PDE1A: variants seen among roughly 807,000 people sequenced by gnomAD.
PDE1A encodes the protein phosphodiesterase 1A.
In PDE1A, 35 loss-of-function variants were observed where a neutral mutation model predicts 61.7. The ratio of observed to expected loss-of-function variants is 0.57; its 90% CI spans 0.43 to 0.75. The LOEUF is 0.75. Among genes scored for constraint, PDE1A ranks in the 30% least tolerant of loss-of-function variants. The pLI, the probability that PDE1A is intolerant of heterozygous loss-of-function variation, is 0.00. For missense variants in PDE1A, 597 were observed against 630.6 expected (o/e 0.95, Z 0.57); for synonymous variants, 232 against 213.2 (o/e 1.09, Z -0.77).
Position 182,235,433 on chromosome 2 carries a change from C to T in PDE1A, c.351-935G>A, listed in dbSNP as rs138364320. On this transcript the variant is annotated intron_variant, in intron 3 of 13. Coordinates refer to ENST00000351439, the Ensembl canonical transcript of PDE1A. ...CTGGAATTACAGGCATGAGCCACCA[C>T]GCCCAGCCAACAAAACTGTTTTTAA... 4.4e-3 allele frequency among the ~76,000 whole-genome samples: 677 copies of T among 152,308 alleles called. 2 individuals carry two copies. The highest frequency in any genetic ancestry group is 0.013 in the African/African-American group (537 of 41,578).
the PDE1A span, among the ~76,000 whole-genome samples, chr2:182,615,618 C>T: frequency 6.6e-6 from 1 of 151,950 alleles, no homozygotes; most frequent in Non-Finnish European, 1.5e-5. Context: ...TAACAGAATA[C>T]CTAAGACTGG....
intron 2 of PDE1A, among the ~76,000 whole-genome samples, chr2:182,521,390 T>C (rs1690557825): frequency 6.6e-6 from 1 of 152,046 alleles, no homozygotes; most frequent in African/African-American, 2.4e-5. Context: ...TCATTTGAGA[T>C]CTGCAAATAT....
At chr2:182,199,158 C>T (rs1686394748) in intron 10 of PDE1A, among the ~76,000 whole-genome samples, 1 of 151,850 alleles carries the variant, frequency 6.6e-6, no homozygotes, top group Admixed American at 6.6e-5. Context: ...TATTCCTCAC[C>T]CTTTTGATGA....
At chr2:182,194,881 TCACA>T (rs55809632) in intron 10 of PDE1A, among the ~76,000 whole-genome samples, 49,900 of 144,720 alleles carry the variant, frequency 0.34, 9,380 homozygotes, top group Middle Eastern at 0.48. Flanking sequence ...TCTGAAATAT[TCACA>T]CACACACACA....
At chr2:182,175,248 G>C (rs1692632540) in intron 13 of PDE1A, among the ~76,000 whole-genome samples, 1 of 152,038 alleles carries the variant, frequency 6.6e-6, no homozygotes, top group African/African-American at 2.4e-5. Context: ...ATAATCCTTT[G>C]GGTACATACC....
the PDE1A span, among the ~76,000 whole-genome samples, chr2:182,595,491 T>C: frequency 6.6e-6 from 1 of 152,232 alleles, no homozygotes; most frequent in African/African-American, 2.4e-5. Flanking sequence ...TGTTTTTATA[T>C]AGTAAACAGG....
intron 1 of PDE1A, among the ~76,000 whole-genome samples, chr2:182,323,063 T>C (rs548698232): frequency 8.5e-5 from 13 of 152,166 alleles, no homozygotes; most frequent in Non-Finnish European, 1.6e-4. Context: ...TAAAAAGTTG[T>C]CTGCTGACTT....
intron 1 of PDE1A, among the ~76,000 whole-genome samples, chr2:182,412,102 T>TG (rs1702654400): frequency 6.6e-6 from 1 of 152,016 alleles, no homozygotes; most frequent in African/African-American, 2.4e-5. Flanking sequence ...TGTTAAGTGT[T>TG]GGAGTCGAGA....
intron 2 of PDE1A, among the ~76,000 whole-genome samples, chr2:182,442,184 A>G (rs1037160534): frequency 2.0e-5 from 3 of 152,100 alleles, no homozygotes; most frequent in African/African-American, 7.2e-5. Flanking sequence ...CCAATATCAC[A>G]AAAACAAATC....
At chr2:182,651,699 G>A in the PDE1A span, among the ~76,000 whole-genome samples, 484 of 152,230 alleles carry the variant, frequency 3.2e-3, 2 homozygotes, top group Admixed American at 5.5e-3. Flanking sequence ...AACATTTGAG[G>A]CTTCTACCTA....
intron 2 of PDE1A, among the ~76,000 whole-genome samples, chr2:182,244,564 C>A (rs1011013889): frequency 2.9e-5 from 3 of 104,020 alleles, no homozygotes; most frequent in African/African-American, 1.3e-4. Flanking sequence ...AAACCTTTTT[C>A]TTTGTTTTAA....
At chr2:182,306,197 C>G (rs928728554) in intron 1 of PDE1A, among the ~76,000 whole-genome samples, 1 of 152,046 alleles carries the variant, frequency 6.6e-6, no homozygotes, top group Non-Finnish European at 1.5e-5. Flanking sequence ...TATTTTGCCA[C>G]AAATGACAGA....
chr2:182,547,689 C>T, the PDE1A span, among the ~76,000 whole-genome samples: 14 of 152,132 alleles, frequency 9.2e-5, no homozygotes, highest in South Asian at 8.3e-4. Context: ...TAGGCTGATG[C>T]CTTTGTAATG....
the PDE1A span, among the ~76,000 whole-genome samples, chr2:182,708,501 G>A: frequency 6.6e-6 from 1 of 152,154 alleles, no homozygotes; most frequent in African/African-American, 2.4e-5. Context: ...ACTTCCCTGA[G>A]ACGGGGTAAT....
At chr2:182,572,150 T>C in the PDE1A span, among the ~76,000 whole-genome samples, 10 of 152,198 alleles carry the variant, frequency 6.6e-5, no homozygotes, top group Non-Finnish European at 7.3e-5. Context: ...TTGTTTGTTA[T>C]TGAAAGAATG....
At chr2:182,694,993 G>A in the PDE1A span, among the ~76,000 whole-genome samples, 1 of 151,838 alleles carries the variant, frequency 6.6e-6, no homozygotes, top group African/African-American at 2.4e-5. Context: ...TCTAAAAAAT[G>A]GTTACCATTG....
intron 2 of PDE1A, among the ~76,000 whole-genome samples, chr2:182,508,487 C>T (rs7557419): frequency 0.77 from 115,710 of 150,716 alleles, 46,285 homozygotes; most frequent in East Asian, 0.99. Context: ...GTCGGAAAAA[C>T]TGGCATGTGG....
At chr2:182,237,821 G>C (rs1011145294) in intron 3 of PDE1A, among the ~76,000 whole-genome samples, 4 of 152,162 alleles carry the variant, frequency 2.6e-5, no homozygotes, top group African/African-American at 9.7e-5. Flanking sequence ...TCCAAGGCAG[G>C]AAAGAGCTTA....
At chr2:182,282,438 T>C (rs1693870342) in intron 1 of PDE1A, among the ~76,000 whole-genome samples, 1 of 152,030 alleles carries the variant, frequency 6.6e-6, no homozygotes, top group South Asian at 2.1e-4. Flanking sequence ...AATTCATCCT[T>C]TTGAATTAAT....
Sources: allele counts gnomAD v4.1 joint callset (sites outside exome capture counted in the v4.1 genomes callset), GRCh38; gene constraint gnomAD v4.1.1; transcripts MANE v1.5; gene names NCBI Gene and HGNC (gene_info 2026-07-23, HGNC 2026-07-21).